The following PACRG variants were observed in gnomAD, a reference collection of about 807,000 sequenced individuals.
PACRG encodes the protein parkin coregulated, also known as parkin coregulated gene protein.
PACRG carries 29 observed loss-of-function variants against 29.7 expected under a neutral mutation model. That is an observed-to-expected ratio of 0.98 (90% CI 0.73 to 1.33). The LOEUF is 1.33. Ranked by LOEUF, PACRG falls within the 40% of genes most tolerant of loss-of-function variation. PACRG has a pLI of 0.00. For missense variants in PACRG, 279 were observed against 316.2 expected, an observed-to-expected ratio of 0.88 and a Z score of 0.89; for synonymous variants, 116 against 118.7, an observed-to-expected ratio of 0.98 and a Z score of 0.15.
intron 2 of PACRG, among the ~76,000 whole-genome samples, chr6:162,858,275 A>G (rs1439489586): frequency 6.6e-6 from 1 of 152,150 alleles, no homozygotes; most frequent in African/African-American, 2.4e-5. Flanking sequence ...CATATCTTAC[A>G]TGGCAGCAGG....
intron 2 of PACRG, among the ~76,000 whole-genome samples, chr6:162,893,260 T>C (rs115342877): frequency 3.5e-4 from 54 of 152,226 alleles, no homozygotes; most frequent in African/African-American, 1.2e-3. Flanking sequence ...TGGACTGCCA[T>C]TGCCCTTAAC....
At chr6:163,022,997 C>T (rs1401323495) in intron 2 of PACRG, among the ~76,000 whole-genome samples, 1 of 152,086 alleles carries the variant, frequency 6.6e-6, no homozygotes, top group Non-Finnish European at 1.5e-5. Flanking sequence ...GCATGTAGAC[C>T]TTATTTTCAC....
intron 4 of PACRG, among the ~76,000 whole-genome samples, chr6:163,281,591 T>C (rs58201044): frequency 0.05 from 7,595 of 152,278 alleles, 190 homozygotes; most frequent in Middle Eastern, 0.085. Context: ...TTTAATTTCA[T>C]TTAATTTCAG....
Position 162,787,592 on chromosome 6 carries a change from A to G in PACRG, c.157-26555A>G, listed in dbSNP as rs867812251. On this transcript the variant is annotated intron_variant, in intron 1 of 4. Transcript: ENST00000366888. ...TGTGTGTGTGTGTGTGTATATATAT[A>G]TATATATATATATATATATATATAT... Among the ~76,000 whole-genome samples, 1,222 of 130,776 alleles carry G rather than the reference A, an allele frequency of 9.3e-3. 8 individuals carry two copies. Among genetic ancestry groups the G allele is most frequent in the Middle Eastern group, 0.015 (4 of 266 alleles). The allele number at this position is 130,776 out of a possible 152,430, so 85.8% of individuals were successfully genotyped here. A position where few individuals can be genotyped will look rare whatever the true frequency, so the allele number is the denominator to read the frequency against.
chr6:163,228,766 G>A (rs1273890571), intron 4 of PACRG, among the ~76,000 whole-genome samples: 3 of 152,178 alleles, frequency 2.0e-5, no homozygotes, highest in Admixed American at 2.0e-4. Flanking sequence ...TGATTCTCTA[G>A]CACAGTGACC....
intron 2 of PACRG, among the ~76,000 whole-genome samples, chr6:162,950,414 A>G (rs974125509): frequency 6.6e-6 from 1 of 152,182 alleles, no homozygotes; most frequent in African/African-American, 2.4e-5. Flanking sequence ...AGGCTGAGGC[A>G]GGAGAATGGC....
At chr6:163,201,580 C>A (rs1165262900) in intron 4 of PACRG, among the ~76,000 whole-genome samples, 1 of 152,162 alleles carries the variant, frequency 6.6e-6, no homozygotes, top group Non-Finnish European at 1.5e-5. Flanking sequence ...ACCTCCTGCC[C>A]CAGTTAAAAT....
At chr6:162,782,395 TG>T (rs899527760) in intron 1 of PACRG, among the ~76,000 whole-genome samples, 9 of 151,930 alleles carry the variant, frequency 5.9e-5, no homozygotes, top group African/African-American at 2.2e-4. Context: ...GAAATATTTT[TG>T]GAATTGAACA....
At chr6:162,762,176 G>A (rs1443012645) in intron 1 of PACRG, among the ~76,000 whole-genome samples, 1 of 152,132 alleles carries the variant, frequency 6.6e-6, no homozygotes, top group African/African-American at 2.4e-5. Context: ...GTGTGGCACT[G>A]GAAACATGGA....
chr6:162,915,414 A>C (rs1002836100), intron 2 of PACRG, among the ~76,000 whole-genome samples: 8 of 152,048 alleles, frequency 5.3e-5, no homozygotes, highest in African/African-American at 1.2e-4. Flanking sequence ...TTAGAAATAC[A>C]AAATTATTCC....
intron 1 of PACRG, among the ~76,000 whole-genome samples, chr6:162,749,613 C>T (rs964118385): frequency 6.6e-6 from 1 of 152,060 alleles, no homozygotes; most frequent in South Asian, 2.1e-4. Flanking sequence ...CTCCACCTCC[C>T]GGGTTCAAGG....
At chr6:163,249,114 C>A (rs1456211454) in intron 4 of PACRG, among the ~76,000 whole-genome samples, 1 of 150,612 alleles carries the variant, frequency 6.6e-6, no homozygotes, top group Non-Finnish European at 1.5e-5. Flanking sequence ...ATTTATAGTG[C>A]TTTCTTAGCC....
At chr6:162,885,742 A>ATG (rs145946593) in intron 2 of PACRG, among the ~76,000 whole-genome samples, 2 of 151,506 alleles carry the variant, frequency 1.3e-5, no homozygotes, top group African/African-American at 2.4e-5. Flanking sequence ...GTTGACTTGC[A>ATG]TGTGTGTGTG....
chr6:162,771,071 T>C (rs1783180268), intron 1 of PACRG, among the ~76,000 whole-genome samples: 1 of 152,184 alleles, frequency 6.6e-6, no homozygotes, highest in African/African-American at 2.4e-5. Context: ...TTAGTATTCT[T>C]AATATTCATA....
At chr6:163,203,934 G>A (rs1356400867) in intron 4 of PACRG, among the ~76,000 whole-genome samples, 3 of 152,236 alleles carry the variant, frequency 2.0e-5, no homozygotes, top group Non-Finnish European at 4.4e-5. Flanking sequence ...TCATACCTGA[G>A]TGAGGTGTGA....
chr6:162,916,546 G>T (rs1447462993), intron 2 of PACRG, among the ~76,000 whole-genome samples: 2 of 152,024 alleles, frequency 1.3e-5, no homozygotes, highest in East Asian at 1.9e-4. Flanking sequence ...TCTGCATTTT[G>T]TTCTGTTTCC....
chr6:162,859,116 C>G (rs1045989845), intron 2 of PACRG, among the ~76,000 whole-genome samples: 1 of 152,000 alleles, frequency 6.6e-6, no homozygotes, highest in African/African-American at 2.4e-5. Flanking sequence ...GAACTTATGC[C>G]TCTCTATCAT....
chr6:162,754,586 G>A (rs1584247892), intron 1 of PACRG, among the ~76,000 whole-genome samples: 2 of 151,418 alleles, frequency 1.3e-5, no homozygotes, highest in South Asian at 4.2e-4. Context: ...TCTTCTAGTT[G>A]TCTTACCCTT....
chr6:163,012,832 C>T (rs1805740692), intron 2 of PACRG, among the ~76,000 whole-genome samples: 1 of 152,240 alleles, frequency 6.6e-6, no homozygotes. Flanking sequence ...GAACGCACAA[C>T]ACACTACAGG....
Sources: gnomAD v4.1 joint callset for allele counts (sites outside exome capture counted in the v4.1 genomes callset) on GRCh38, gnomAD v4.1.1 for gene constraint, MANE v1.5 for transcripts, NCBI Gene and HGNC (gene_info 2026-07-23, HGNC 2026-07-21) for gene names.